The following GPC5 variants were observed in gnomAD, a reference collection of about 807,000 sequenced individuals.
GPC5 encodes glypican 5.
A neutral mutation model predicts 53.9 loss-of-function variants in GPC5; 47 were observed. The ratio of observed to expected loss-of-function variants is 0.87; its 90% CI spans 0.69 to 1.11. The LOEUF (loss-of-function observed/expected upper bound fraction) is 1.11. Among genes scored for constraint, GPC5 ranks in the 50% most tolerant of loss-of-function variants. GPC5 has a pLI of 0.00. For missense variants in GPC5, 748 were observed against 713.1 expected (o/e 1.05, Z -0.56); for synonymous variants, 286 against 263.3 (o/e 1.09, Z -0.84).
At chr13:91,584,688 C>T (rs2032494082) in intron 2 of GPC5, among the ~76,000 whole-genome samples, 1 of 152,034 alleles carries the variant, frequency 6.6e-6, no homozygotes. Flanking sequence ...AAGTGATTCT[C>T]CTGTCTCAGC....
chr13:92,000,644 G>A lies in GPC5; in HGVS notation c.1401+92587G>A, dbSNP rs543185014. On this transcript the variant is annotated intron_variant, in intron 6 of 7. Transcript: ENST00000377067. ...AAACACAAACAGATATGCTGTCTGC[G>A]TGCCCTGCTGGATGGCCAGAATCCT... Among the ~76,000 whole-genome samples, 15 of 152,130 alleles carry A rather than the reference G, an allele frequency of 9.9e-5. No individual in the cohort carries two copies. The East Asian group carries it at 1.2e-3, about 12-fold the overall frequency.
At chr13:92,043,218 T>C (rs1463026530) in intron 6 of GPC5, among the ~76,000 whole-genome samples, 1 of 152,176 alleles carries the variant, frequency 6.6e-6, no homozygotes, top group Non-Finnish European at 1.5e-5. Context: ...AAATAGTGGT[T>C]GAAAACAAAG....
chr13:92,081,200 C>T (rs982336599), intron 6 of GPC5, among the ~76,000 whole-genome samples: 4 of 152,202 alleles, frequency 2.6e-5, no homozygotes, highest in South Asian at 2.1e-4. Context: ...CTCCCGGGTT[C>T]GAGTGATTCT....
chr13:92,464,524 T>C (rs1418641351), intron 7 of GPC5, among the ~76,000 whole-genome samples: 2 of 152,154 alleles, frequency 1.3e-5, no homozygotes, highest in Admixed American at 6.5e-5. Context: ...TTTCAATGAA[T>C]GCACACTGAC....
chr13:92,214,474 C>T (rs1033693635), intron 7 of GPC5, among the ~76,000 whole-genome samples: 5 of 152,132 alleles, frequency 3.3e-5, no homozygotes, highest in African/African-American at 9.7e-5. Flanking sequence ...TGATTTAGGT[C>T]CATAATTTAC....
At chr13:92,119,256 C>T (rs2041625328) in intron 6 of GPC5, among the ~76,000 whole-genome samples, 1 of 152,068 alleles carries the variant, frequency 6.6e-6, no homozygotes, top group Non-Finnish European at 1.5e-5. Flanking sequence ...GAAGACCAGC[C>T]CCAATGAGTC....
rs1170214883 is a variant in GPC5, at chr13:91,586,510, A to G, written c.326-106677A>G. Among the ~76,000 whole-genome samples, 4 of 6,754 alleles carry G rather than the reference A, an allele frequency of 5.9e-4. 1 individual carries two copies. Among genetic ancestry groups the G allele is most frequent in the Admixed American group, 4.9e-3 (4 of 812 alleles). 4.4% of individuals were successfully genotyped at this position (6,754 alleles called of 152,430 possible). A position where few individuals can be genotyped will look rare whatever the true frequency, so the allele number is the denominator to read the frequency against. On this transcript the variant is annotated intron_variant, in intron 2 of 7. Transcript: ENST00000377067. ...ATGCAAGGCAGCAGGATATATATAT[A>G]TATATATATATATATATATATATAT...
At chr13:92,212,311 G>A (rs1360390) in intron 7 of GPC5, among the ~76,000 whole-genome samples, 5,836 of 152,186 alleles carry the variant, frequency 0.038, 248 homozygotes, top group African/African-American at 0.1. Context: ...TGATAGGATC[G>A]TGATTTGGAC....
intron 7 of GPC5, among the ~76,000 whole-genome samples, chr13:92,696,702 T>TAAG (rs368806825): frequency 2.5e-3 from 374 of 152,348 alleles, no homozygotes; most frequent in African/African-American, 8.8e-3. Context: ...TTCAGTGTAA[T>TAAG]AAGATCCCAT....
intron 1 of GPC5, among the ~76,000 whole-genome samples, chr13:91,411,426 C>G (rs9589218): frequency 0.079 from 12,027 of 152,164 alleles, 1,106 homozygotes; most frequent in African/African-American, 0.22. Context: ...TCTGTCTGCC[C>G]CTTCAGAAGG....
chr13:91,756,940 G>T (rs1198659776), intron 5 of GPC5, among the ~76,000 whole-genome samples: 2 of 151,690 alleles, frequency 1.3e-5, no homozygotes, highest in East Asian at 1.9e-4. Context: ...ATGTAATAGT[G>T]GGGGCACTTT....
At chr13:92,455,143 A>G (rs1411214106) in intron 7 of GPC5, among the ~76,000 whole-genome samples, 1 of 152,188 alleles carries the variant, frequency 6.6e-6, no homozygotes, top group Non-Finnish European at 1.5e-5. Context: ...AGGACTCCAC[A>G]TTCAGATAGG....
chr13:92,165,574 T>C (rs2042021334), intron 7 of GPC5, among the ~76,000 whole-genome samples: 1 of 152,184 alleles, frequency 6.6e-6, no homozygotes, highest in South Asian at 2.1e-4. Flanking sequence ...TCAGATCTCC[T>C]GAGAACAAAC....
At chr13:91,790,154 A>T (rs189376) in intron 5 of GPC5, among the ~76,000 whole-genome samples, 54,865 of 151,996 alleles carry the variant, frequency 0.36, 11,207 homozygotes, top group African/African-American at 0.56. Flanking sequence ...TATACATTTT[A>T]ATATTTTTAT....
rs1194096313 is a variant in GPC5, at chr13:91,478,822, TACAC to T, written c.325+29910_325+29913del. On this transcript the variant is annotated intron_variant, in intron 2 of 7. Transcript: ENST00000377067. ...ATATATATATATATATATATATATATACACACACACACATATATATACACATTAT... is the reference window on the plus strand; with the variant it reads ...ATATATATATATATATATATATATATACACACACATATATATACACATTAT... 4.8e-3 allele frequency among the ~76,000 whole-genome samples: 443 copies of T among 92,116 alleles called. 22 individuals carry two copies. Among genetic ancestry groups the T allele is most frequent in the African/African-American group, 0.018 (340 of 19,326 alleles). 60.4% of individuals were successfully genotyped at this position (92,116 alleles called of 152,430 possible). A position where few individuals can be genotyped will look rare whatever the true frequency, so the allele number is the denominator to read the frequency against.
intron 7 of GPC5, among the ~76,000 whole-genome samples, chr13:92,339,638 T>C (rs777768261): frequency 2.4e-4 from 37 of 152,134 alleles, no homozygotes; most frequent in Non-Finnish European, 5.3e-4. Context: ...AAAAATGTTC[T>C]GTGGATGTAT....
In GPC5 at chr13:91,923,499, A is replaced by G. The variant is rs559284479; in HGVS notation, c.1401+15442A>G. Among the ~76,000 whole-genome samples, 25 of 152,322 alleles carry G rather than the reference A, an allele frequency of 1.6e-4. No individual in the cohort carries two copies. In the South Asian group the frequency reaches 5.0e-3, roughly 30 times the overall value. ...AGAATATTGAAGAAGTGAAATAAAT[A>G]CTATATAGTTCCATTAAAAACCAAA... is the stretch of plus-strand genomic sequence containing the variant. On this transcript the variant is annotated intron_variant, in intron 6 of 7. Transcript: ENST00000377067.
chr13:92,777,335 CAAA>C (rs71202561), intron 7 of GPC5, among the ~76,000 whole-genome samples: 28 of 63,452 alleles, frequency 4.4e-4, no homozygotes, highest in African/African-American at 1.5e-3. Flanking sequence ...GACTCCATCT[CAAA>C]AAAAAAAAAA....
chr13:91,561,786 GTGGTCACTCTAGTGC>G (rs2031276206), intron 2 of GPC5, among the ~76,000 whole-genome samples: 1 of 152,056 alleles, frequency 6.6e-6, no homozygotes, highest in African/African-American at 2.4e-5. Flanking sequence ...AATATGCAAT[GTGGTCACTCTAGTGC>G]TGGCAGGTTT....
Sources: gnomAD v4.1 joint callset for allele counts (sites outside exome capture counted in the v4.1 genomes callset) on GRCh38, gnomAD v4.1.1 for gene constraint, MANE v1.5 for transcripts, NCBI Gene and HGNC (gene_info 2026-07-23, HGNC 2026-07-21) for gene names.